Variants in TPO observed in about 807,000 individuals in gnomAD.
The protein encoded by TPO is thyroid microsomal antigen.
A neutral mutation model predicts 96.9 loss-of-function variants in TPO; 78 were observed. The ratio of observed to expected loss-of-function variants is 0.81; its 90% CI spans 0.67 to 0.97. The LOEUF (loss-of-function observed/expected upper bound fraction) is 0.97. TPO is among the 50% of genes least tolerant of loss of function. The pLI, the probability that TPO is intolerant of heterozygous loss-of-function variation, is 0.00. For synonymous variants in TPO, 547 were observed against 538.0 expected (o/e 1.02, Z -0.23); for missense variants, 1,252 against 1,274.8 (o/e 0.98, Z 0.27).
chr2:1,453,804 A>G lies in TPO; in HGVS notation c.593A>G (p.Asn198Ser), dbSNP rs1326014977. 6.2e-7 allele frequency: 1 copy of G among 1,613,640 alleles called. No individual in the cohort carries two copies. Among genetic ancestry groups the G allele is most frequent in the Non-Finnish European group, 8.5e-7 (1 of 1,180,024 alleles). The change falls in exon 6 of 17, where the codon AAC becomes AGC. Residue 198 changes from asparagine (N) to serine (S), a missense_variant. By Grantham distance (46) the Asn-to-Ser change is conservative. Transcript: ENST00000329066. ...GGCTGGAACCCCGGCTTCTTGTACA[A>G]CGGGTTCCCACTGCCCCCGGTGGGT... ...PRGWNPGFLY[N>S]GFPLPPVREV...
chr2:1,524,759 C>A (rs57849631), intron 15 of TPO, among the ~76,000 whole-genome samples: 2,401 of 129,600 alleles, frequency 0.019, 159 homozygotes, highest in East Asian at 0.13. Flanking sequence ...TCACTGTGAG[C>A]AACCTCCCCA....
intron 15 of TPO, among the ~76,000 whole-genome samples, chr2:1,517,497 G>A (rs1483787889): frequency 2.6e-5 from 4 of 152,062 alleles, no homozygotes; most frequent in Non-Finnish European, 4.4e-5. Context: ...GCCCCTCGAG[G>A]CTTCCTCAGG....
Position 1,493,896 on chromosome 2 carries a change from G to A in TPO, c.1863G>A (p.Lys621=), listed in dbSNP as rs373213982. The A allele has an allele frequency of 1.1e-5, 18 of 1,614,222 alleles. No individual in the cohort carries two copies. In the African/African-American group the frequency reaches 1.6e-4, roughly 14 times the overall value. Residue 621 remains lysine (K), a synonymous_variant, in exon 11 of 17, where the codon AAG becomes AAA. Transcript: ENST00000329066. ...TAIASRSVAD[K]ILDLYKHPDN... is the part of the protein sequence containing the mutation. ...TCGCCAGCAGGAGCGTGGCCGACAA[G>A]ATCCTGGACTTGTACAAGCATCCTG...
chr2:1,422,976 C>T, intron 2 of TPO, 69 bp from the exon 3 acceptor site: 1 of 1,549,774 alleles, frequency 6.5e-7, no homozygotes, highest in Non-Finnish European at 8.9e-7. Flanking sequence ...GCTTGAGGAA[C>T]AAAGCAACAC....
chr2:1,398,212 A>C (rs1662115752), intron 1 of TPO, among the ~76,000 whole-genome samples: 1 of 152,138 alleles, frequency 6.6e-6, no homozygotes, highest in Non-Finnish European at 1.5e-5. Flanking sequence ...TCTCCCCATC[A>C]GTCCTAGGGG....
Position 1,522,200 on chromosome 2 carries a change from A to C in TPO, c.2618+5218A>C, listed in dbSNP as rs535217826. ...CATGCCCTGGCAGTCTCTCTACCCC[A>C]CACCGGCCCGCCACCGTGCCCTCAC... On this transcript the variant is annotated intron_variant, in intron 15 of 16. Transcript: ENST00000329066. 9.7e-5 allele frequency among the ~76,000 whole-genome samples: 11 copies of C among 113,228 alleles called. No homozygotes were observed. The South Asian group carries it at 3.6e-3, about 37-fold the overall frequency. 74.3% of individuals were successfully genotyped at this position (113,228 alleles called of 152,430 possible).
At chr2:1,417,943 T>A (rs1363700399) in intron 2 of TPO, among the ~76,000 whole-genome samples, 4 of 117,430 alleles carry the variant, frequency 3.4e-5, no homozygotes, top group African/African-American at 1.4e-4. Context: ...ACATCTGCAA[T>A]CCCAACACAG....
At chr2:1,452,978 C>T (rs1667444168) in intron 5 of TPO, among the ~76,000 whole-genome samples, 1 of 152,146 alleles carries the variant, frequency 6.6e-6, no homozygotes, top group East Asian at 1.9e-4. Flanking sequence ...TATATTTTGA[C>T]CAATAGAACA....
intron 1 of TPO, among the ~76,000 whole-genome samples, chr2:1,406,533 T>C (rs1662253227): frequency 6.6e-6 from 1 of 152,184 alleles, no homozygotes; most frequent in Non-Finnish European, 1.5e-5. Flanking sequence ...CCATCACCCC[T>C]GAGCAAGACA....
intron 15 of TPO, among the ~76,000 whole-genome samples, chr2:1,528,480 C>A (rs1254168323): frequency 6.9e-6 from 1 of 145,794 alleles, no homozygotes; most frequent in African/African-American, 2.7e-5. Flanking sequence ...TGTGTGCAAC[C>A]TCCTCAAATC....
At chr2:1,528,859 C>T (rs1677279198) in intron 15 of TPO, among the ~76,000 whole-genome samples, 2 of 148,124 alleles carry the variant, frequency 1.4e-5, no homozygotes, top group East Asian at 2.1e-4. Flanking sequence ...CTCAAATCCC[C>T]CACTGTGTGC....
chr2:1,465,655 G>T (rs1668832743), intron 7 of TPO, among the ~76,000 whole-genome samples: 1 of 151,816 alleles, frequency 6.6e-6, no homozygotes, highest in East Asian at 1.9e-4. Context: ...ATTTTTTTCA[G>T]CTATTGTAGA....
At chr2:1,408,511 G>A (rs921167498), upstream of TPO, among the ~76,000 whole-genome samples, 5 of 152,128 alleles carry the variant, frequency 3.3e-5, no homozygotes, top group East Asian at 7.7e-4. Flanking sequence ...GGTAATTAGA[G>A]TACGGAGTTT....
chr2:1,403,184 G>A (rs937854933), intron 1 of TPO, among the ~76,000 whole-genome samples: 1 of 152,040 alleles, frequency 6.6e-6, no homozygotes, highest in African/African-American at 2.4e-5. Flanking sequence ...TCTGTAACCC[G>A]CAGATGGACT....
intron 15 of TPO, among the ~76,000 whole-genome samples, chr2:1,538,047 ACCT>A (rs1300788428): frequency 1.2e-5 from 1 of 86,670 alleles, no homozygotes; most frequent in Non-Finnish European, 2.0e-5. Context: ...ACTGTGTGCA[ACCT>A]CCTCAAATCC....
chr2:1,482,763 C>T lies in TPO; in HGVS notation c.1339-1833C>T, dbSNP rs564324244. Among the ~76,000 whole-genome samples the T allele has an allele frequency of 7.0e-4, 107 of 152,338 alleles. 2 individuals are homozygous for T. Among genetic ancestry groups the T allele is most frequent in the African/African-American group, 2.4e-3 (101 of 41,580 alleles). On this transcript the variant is annotated intron_variant, in intron 8 of 16. Transcript: ENST00000329066. The stretch of plus-strand genomic sequence containing the variant: ...AATCATAGCTCACTGCAGCCTCAAC[C>T]TCCTGGGCTCAAGCAATCCTCCACC...
At chr2:1,459,392 C>T (rs1228581818) in intron 7 of TPO, among the ~76,000 whole-genome samples, 7 of 151,916 alleles carry the variant, frequency 4.6e-5, no homozygotes, top group African/African-American at 7.3e-5. Context: ...CCTTGGGATC[C>T]GCCTGCCTTG....
intron 4 of TPO, among the ~76,000 whole-genome samples, chr2:1,433,857 A>G (rs1665282131): frequency 6.6e-6 from 1 of 152,236 alleles, no homozygotes; most frequent in Non-Finnish European, 1.5e-5. Context: ...AAGTAGCTCA[A>G]TAAGCTAAAC....
chr2:1,374,725 C>CTTTT (rs11292664), intron 1 of TPO, among the ~76,000 whole-genome samples: 5 of 136,786 alleles, frequency 3.7e-5, no homozygotes, highest in Admixed American at 7.4e-5. Flanking sequence ...TTCTTTCTTT[C>CTTTT]TTTTTTTTTT....
Sources: gnomAD v4.1 joint callset for allele counts (sites outside exome capture counted in the v4.1 genomes callset) on GRCh38, gnomAD v4.1.1 for gene constraint, MANE v1.5 for transcripts, NCBI Gene and HGNC (gene_info 2026-07-23, HGNC 2026-07-21) for gene names.